Variants in PTPRD observed in about 807,000 individuals in gnomAD.
The protein encoded by PTPRD is protein tyrosine phosphatase receptor type D.
PTPRD carries 34 observed loss-of-function variants against 214.5 expected under a neutral mutation model. The ratio of observed to expected loss-of-function variants is 0.16; its 90% CI spans 0.12 to 0.21. The LOEUF (loss-of-function observed/expected upper bound fraction) is 0.21. Ranked by LOEUF, PTPRD falls within the 10% of genes least tolerant of loss-of-function variation. The probability of loss-of-function intolerance (pLI) is 1.00; values close to 1 mark genes in which losing one functional copy is unlikely to be tolerated. For synonymous variants in PTPRD, 1,128 were observed against 845.7 expected, an observed-to-expected ratio of 1.33 and a Z score of -5.79; for missense variants, 2,545 against 2,398.7, an observed-to-expected ratio of 1.06 and a Z score of -1.27.
chr9:8,357,152 A>C (rs769913969), intron 39 of PTPRD, among the ~76,000 whole-genome samples: 78 of 152,330 alleles, frequency 5.1e-4, no homozygotes, highest in Middle Eastern at 3.4e-3. Context: ...CTGTGGGATC[A>C]CACTGCAATG....
intron 4 of PTPRD, among the ~76,000 whole-genome samples, chr9:10,023,405 C>T (rs550243931): frequency 7.9e-5 from 12 of 152,120 alleles, no homozygotes; most frequent in Non-Finnish European, 1.2e-4. Context: ...GACTCCTGTC[C>T]GTCCTTTTGT....
intron 3 of PTPRD, among the ~76,000 whole-genome samples, chr9:10,096,881 C>T (rs1170923741): frequency 5.3e-5 from 8 of 151,902 alleles, no homozygotes; most frequent in African/African-American, 1.2e-4. Context: ...AGGTCTAACA[C>T]TGAAGTCTTT....
chr9:8,623,451 T>TA (rs953255985), intron 14 of PTPRD, among the ~76,000 whole-genome samples: 3 of 152,048 alleles, frequency 2.0e-5, no homozygotes, highest in African/African-American at 7.2e-5. Flanking sequence ...ACTTAAGGAT[T>TA]AAAAAATTTG....
At chr9:10,606,909 A>T (rs2079551584) in intron 2 of PTPRD, among the ~76,000 whole-genome samples, 1 of 151,906 alleles carries the variant, frequency 6.6e-6, no homozygotes, top group Admixed American at 6.6e-5. Context: ...TCTGTAGCTG[A>T]TTACGTAAAT....
intron 11 of PTPRD, among the ~76,000 whole-genome samples, chr9:9,003,124 C>G (rs1421285180): frequency 6.6e-6 from 1 of 152,014 alleles, no homozygotes; most frequent in Non-Finnish European, 1.5e-5. Context: ...GATCCCCTGA[C>G]CATTAACTAT....
At chr9:10,193,558 A>C (rs2099383921) in intron 3 of PTPRD, among the ~76,000 whole-genome samples, 1 of 152,152 alleles carries the variant, frequency 6.6e-6, no homozygotes, top group Non-Finnish European at 1.5e-5. Context: ...TATTTTGTGA[A>C]CGGATACAGG....
intron 11 of PTPRD, among the ~76,000 whole-genome samples, chr9:8,892,905 C>A (rs1271895994): frequency 6.6e-6 from 1 of 151,604 alleles, no homozygotes; most frequent in Non-Finnish European, 1.5e-5. Flanking sequence ...GGCATGAAGT[C>A]TATGGAAGTG....
At chr9:8,689,426 G>A (rs1052694074) in intron 12 of PTPRD, among the ~76,000 whole-genome samples, 4 of 152,248 alleles carry the variant, frequency 2.6e-5, no homozygotes, top group African/African-American at 9.6e-5. Context: ...AAGAAAAAGA[G>A]GTTTAACTGG....
chr9:8,733,032 A>G (rs1285355109), intron 12 of PTPRD, among the ~76,000 whole-genome samples: 1 of 152,196 alleles, frequency 6.6e-6, no homozygotes, highest in Non-Finnish European at 1.5e-5. Context: ...CTCCAATACT[A>G]TCTCTTCCAA....
At chr9:10,188,575 C>T (rs1404307080) in intron 3 of PTPRD, among the ~76,000 whole-genome samples, 1 of 143,718 alleles carries the variant, frequency 7.0e-6, no homozygotes, top group African/African-American at 2.5e-5. Flanking sequence ...TAAATAGTAT[C>T]TTTTTTTTTT....
At chr9:9,119,228 G>A (rs1472546856) in intron 10 of PTPRD, among the ~76,000 whole-genome samples, 1 of 152,154 alleles carries the variant, frequency 6.6e-6, no homozygotes, top group Non-Finnish European at 1.5e-5. Flanking sequence ...TTAGTCACCA[G>A]TCTAAGTTAT....
At chr9:9,909,389 A>G (rs560054453) in intron 5 of PTPRD, among the ~76,000 whole-genome samples, 66 of 149,694 alleles carry the variant, frequency 4.4e-4, no homozygotes, top group African/African-American at 1.6e-3. Context: ...GGCAGCTGCT[A>G]GGAAGTAATA....
At chr9:9,301,076 G>C (rs1955107270) in intron 9 of PTPRD, among the ~76,000 whole-genome samples, 1 of 151,656 alleles carries the variant, frequency 6.6e-6, no homozygotes, top group African/African-American at 2.4e-5. Flanking sequence ...AATAAACACA[G>C]AAGTCTTTCA....
chr9:8,659,327 T>C (rs1447403782), intron 12 of PTPRD, among the ~76,000 whole-genome samples: 1 of 152,170 alleles, frequency 6.6e-6, no homozygotes, highest in Non-Finnish European at 1.5e-5. Flanking sequence ...AGTCACAAAA[T>C]GTTCCAGCTG....
chr9:8,984,540 G>C (rs896658378), intron 11 of PTPRD, among the ~76,000 whole-genome samples: 1 of 151,986 alleles, frequency 6.6e-6, no homozygotes, highest in Non-Finnish European at 1.5e-5. Context: ...TAAATTCCTT[G>C]GGATGAGACG....
At chr9:8,523,750 A>G (rs1283739744) in intron 18 of PTPRD, among the ~76,000 whole-genome samples, 2 of 152,162 alleles carry the variant, frequency 1.3e-5, no homozygotes, top group African/African-American at 4.8e-5. Context: ...GAAATTTTCC[A>G]TGGAAGAAGG....
intron 12 of PTPRD, among the ~76,000 whole-genome samples, chr9:8,660,653 T>A (rs77676840): frequency 6.6e-6 from 1 of 152,264 alleles, no homozygotes; most frequent in Non-Finnish European, 1.5e-5. Flanking sequence ...CAAACTAAAC[T>A]GGACTTGTTC....
intron 12 of PTPRD, among the ~76,000 whole-genome samples, chr9:8,691,918 T>A (rs2097813526): frequency 6.6e-6 from 1 of 152,190 alleles, no homozygotes; most frequent in Non-Finnish European, 1.5e-5. Flanking sequence ...ATTCAACTCA[T>A]AATCATGTTG....
intron 8 of PTPRD, among the ~76,000 whole-genome samples, chr9:9,520,877 G>C (rs2096954785): frequency 6.6e-6 from 1 of 152,096 alleles, no homozygotes; most frequent in African/African-American, 2.4e-5. Flanking sequence ...TCTATGACCT[G>C]AAGAAGCAAA....
Sources: allele counts gnomAD v4.1 joint callset (sites outside exome capture counted in the v4.1 genomes callset), GRCh38; gene constraint gnomAD v4.1.1; transcripts MANE v1.5; gene names NCBI Gene and HGNC (gene_info 2026-07-23, HGNC 2026-07-21).